PRKD1: variants seen among roughly 807,000 people sequenced by gnomAD.
PRKD1 encodes serine/threonine-protein kinase D1.
In PRKD1, 63 loss-of-function variants were observed where a neutral mutation model predicts 95.9. The ratio of observed to expected loss-of-function variants is 0.66; its 90% CI spans 0.54 to 0.81. The LOEUF (loss-of-function observed/expected upper bound fraction) is 0.81. Ranked by LOEUF, PRKD1 falls within the 30% of genes least tolerant of loss-of-function variation. The probability of loss-of-function intolerance (pLI) is 0.00; values close to 1 mark genes in which losing one functional copy is unlikely to be tolerated. For synonymous variants in PRKD1, 425 were observed against 423.1 expected (o/e 1.00, Z -0.05); for missense variants, 1,048 against 1,165.3 (o/e 0.90, Z 1.47).
At chr14:29,733,475 A>G (rs1287780636) in intron 1 of PRKD1, among the ~76,000 whole-genome samples, 1 of 152,170 alleles carries the variant, frequency 6.6e-6, no homozygotes, top group Non-Finnish European at 1.5e-5. Flanking sequence ...TCATGCTGCT[A>G]TAAAGAAATA....
intron 1 of PRKD1, among the ~76,000 whole-genome samples, chr14:29,813,873 T>C (rs1274776093): frequency 6.6e-6 from 1 of 152,194 alleles, no homozygotes; most frequent in African/African-American, 2.4e-5. Flanking sequence ...TGCAGAGACC[T>C]GAACTGTATA....
At chr14:29,768,000 T>C (rs920396550) in intron 1 of PRKD1, among the ~76,000 whole-genome samples, 2 of 152,220 alleles carry the variant, frequency 1.3e-5, no homozygotes, top group African/African-American at 4.8e-5. Flanking sequence ...AACAAGTGTG[T>C]CATTTTAAAG....
At chr14:29,665,882 G>A (rs1594409145) in intron 3 of PRKD1, among the ~76,000 whole-genome samples, 195 bp downstream of exon 3, 1 of 151,918 alleles carries the variant, frequency 6.6e-6, no homozygotes, top group Non-Finnish European at 1.5e-5. Context: ...TCAACCAAAC[G>A]AGTGGATGAA....
At chr14:29,613,679 T>G (rs1160767697) in intron 13 of PRKD1, among the ~76,000 whole-genome samples, 1 of 152,178 alleles carries the variant, frequency 6.6e-6, no homozygotes, top group Non-Finnish European at 1.5e-5. Flanking sequence ...TCATAGCAAT[T>G]TCTTTTTGAA....
chr14:29,792,900 C>A (rs576536947), intron 1 of PRKD1, among the ~76,000 whole-genome samples: 1 of 152,094 alleles, frequency 6.6e-6, no homozygotes, highest in Non-Finnish European at 1.5e-5. Flanking sequence ...TTTAAAAAGC[C>A]AAACATTCCC....
At position 29,663,148 on chromosome 14, in the gene PRKD1, C is replaced by CATATATATATATATAT. The variant is rs61506580; in HGVS notation, c.696+535_696+550dup. Reference sequence around the variant, plus strand: ...CTTATGGATATAGTTAATATTCTTCCATATATATATATATATATATATTCT... The same window carrying CATATATATATATATAT: ...CTTATGGATATAGTTAATATTCTTCCATATATATATATATATATATATATATATATATATATATTCT... On this transcript the variant is annotated intron_variant, in intron 4 of 17. Transcript: ENST00000331968. 7.8e-3 allele frequency among the ~76,000 whole-genome samples: 1,022 copies of CATATATATATATATAT among 131,518 alleles called. 8 individuals are homozygous for CATATATATATATATAT. The highest frequency in any genetic ancestry group is 0.018 in the African/African-American group (632 of 35,306). The allele number at this position is 131,518 out of a possible 152,430, so 86.3% of individuals were successfully genotyped here.
chr14:29,644,814 T>C (rs1339025514), intron 4 of PRKD1, among the ~76,000 whole-genome samples: 1 of 152,136 alleles, frequency 6.6e-6, no homozygotes, highest in Non-Finnish European at 1.5e-5. Flanking sequence ...TTATACATTT[T>C]ATACAACTAT....
At chr14:29,897,911 G>C (rs762929751) in intron 1 of PRKD1, among the ~76,000 whole-genome samples, 3 of 151,970 alleles carry the variant, frequency 2.0e-5, no homozygotes, top group Non-Finnish European at 4.4e-5. Flanking sequence ...ACCTATTGTG[G>C]TGCTTTCTTG....
At chr14:29,675,795 C>A (rs556481578) in intron 2 of PRKD1, among the ~76,000 whole-genome samples, 239 of 151,946 alleles carry the variant, frequency 1.6e-3, no homozygotes, top group South Asian at 2.3e-3. Flanking sequence ...AATACTATGC[C>A]ACCATAAAAA....
In PRKD1 at chr14:29,597,703, C is replaced by T; in HGVS notation, c.2222G>A (p.Arg741Lys). The change falls in exon 16 of 18, where the codon AGG becomes AAG. Residue 741 changes from arginine (R) to lysine (K), a missense_variant. This residue lies in a region of PRKD1 where 739 missense variants were observed against 861.9 expected (regional missense o/e 0.86). Transcript: ENST00000331968. The part of the protein sequence containing the change: ...ARIIGEKSFR[R>K]SVVGTPAYLA... ...GTAAGCGGGGGTACCCACCACTGAC[C>T]TCCGGAAAGACTTCTCTCCAATGAT... The T allele has an allele frequency of 6.2e-7, 1 of 1,613,878 alleles. No homozygotes were observed. The highest frequency in any genetic ancestry group is 8.5e-7 in the Non-Finnish European group (1 of 1,179,908).
intron 1 of PRKD1, among the ~76,000 whole-genome samples, chr14:29,770,243 T>C (rs929781272): frequency 4.6e-5 from 7 of 152,154 alleles, no homozygotes; most frequent in Non-Finnish European, 8.8e-5. Flanking sequence ...ATGGGACAAA[T>C]ACAGATATTG....
chr14:29,764,011 A>G (rs948822120), intron 1 of PRKD1, among the ~76,000 whole-genome samples: 1 of 152,190 alleles, frequency 6.6e-6, no homozygotes, highest in Non-Finnish European at 1.5e-5. Context: ...GTGCATGTAC[A>G]TACGTAAGTG....
rs1881092246 is a variant in PRKD1 at position 29,645,886 on chromosome 14, AT to A, written c.697-6983del. 3.3e-5 allele frequency among the ~76,000 whole-genome samples: 5 copies of A among 152,188 alleles called. No individual in the cohort carries two copies. In the South Asian group the frequency reaches 1.0e-3, roughly 32 times the overall value. On this transcript the variant is annotated intron_variant, in intron 4 of 17. Coordinates refer to ENST00000331968, the MANE Select transcript of PRKD1 (RefSeq NM_002742.3). Reference sequence around the variant, plus strand: ...ACTCCTTACTCTATTACTGTCTCACATCATCCTGTCTCCTCCAAAGTCATTA... The same window carrying A: ...ACTCCTTACTCTATTACTGTCTCACACATCCTGTCTCCTCCAAAGTCATTA...
intron 1 of PRKD1, among the ~76,000 whole-genome samples, chr14:29,824,991 T>C (rs1177856033): frequency 6.6e-6 from 1 of 152,068 alleles, no homozygotes. Flanking sequence ...CAATAGAAGA[T>C]CCTTTCAGAT....
intron 1 of PRKD1, among the ~76,000 whole-genome samples, chr14:29,890,598 G>A (rs1893903526): frequency 6.6e-6 from 1 of 152,128 alleles, no homozygotes; most frequent in African/African-American, 2.4e-5. Flanking sequence ...TCACAGGACT[G>A]AAACAAGCTC....
At chr14:29,616,696 T>C (rs1171878437) in intron 13 of PRKD1, among the ~76,000 whole-genome samples, 1 of 152,154 alleles carries the variant, frequency 6.6e-6, no homozygotes, top group Non-Finnish European at 1.5e-5. Context: ...AAGCAAAGGG[T>C]TGGCAGGGCT....
chr14:29,774,593 G>A (rs1222336707), intron 1 of PRKD1, among the ~76,000 whole-genome samples: 2 of 152,186 alleles, frequency 1.3e-5, no homozygotes, highest in South Asian at 2.1e-4. Context: ...GGAATACAGA[G>A]TTATTAAGTG....
At position 29,632,953 on chromosome 14, in the gene PRKD1, C is replaced by G; in HGVS notation, c.1315-7G>C. 1.9e-6 allele frequency: 3 copies of G among 1,609,448 alleles called. No homozygotes were observed. The highest frequency in any genetic ancestry group is 2.6e-6 in the Non-Finnish European group (3 of 1,175,920). ...TCCAATAGTGCCGTTTCCGCTGAAA[C>G]AGAAGTTAGATCCAAGATCTTTTTA... On this transcript the variant is annotated splice_region_variant and splice_polypyrimidine_tract_variant and intron_variant, in intron 8 of 17. Coordinates refer to ENST00000331968, the MANE Select transcript of PRKD1 (RefSeq NM_002742.3).
chr14:29,705,254 A>T (rs1225453010), intron 2 of PRKD1, among the ~76,000 whole-genome samples: 1 of 152,094 alleles, frequency 6.6e-6, no homozygotes, highest in Non-Finnish European at 1.5e-5. Context: ...ATTCCACAGA[A>T]CTTAAGCAAT....
Sources: allele counts gnomAD v4.1 joint callset (sites outside exome capture counted in the v4.1 genomes callset), GRCh38; gene constraint gnomAD v4.1.1; regional missense constraint gnomAD v4.1.1; transcripts MANE v1.5; gene names NCBI Gene and HGNC (gene_info 2026-07-23, HGNC 2026-07-21).